The following SLC12A6 variants were observed in gnomAD, a reference collection of about 807,000 sequenced individuals.
SLC12A6 encodes K-Cl cotransporter 3.
SLC12A6 carries 66 observed loss-of-function variants against 135.3 expected under a neutral mutation model. The ratio of observed to expected loss-of-function variants is 0.49; its 90% CI spans 0.40 to 0.60. The LOEUF (loss-of-function observed/expected upper bound fraction) is 0.60, where lower values mean the gene tolerates loss of function less well. Among genes scored for constraint, SLC12A6 ranks in the 20% least tolerant of loss-of-function variants. The pLI is 0.00. For missense variants in SLC12A6, 1,058 were observed against 1,452.3 expected, an observed-to-expected ratio of 0.73 and a Z score of 4.41; for synonymous variants, 513 against 508.8, an observed-to-expected ratio of 1.01 and a Z score of -0.11.
intron 21 of SLC12A6, 23 bp downstream of exon 21, chr15:34,238,208 TA>T (rs750280662): frequency 2.5e-4 from 389 of 1,539,310 alleles, no homozygotes; most frequent in Non-Finnish European, 3.3e-4. Context: ...AAGACTTTTG[TA>T]AAAAAAAAGT....
At chr15:34,249,561 T>C (rs1406148238) in intron 13 of SLC12A6, among the ~76,000 whole-genome samples, 1 of 152,076 alleles carries the variant, frequency 6.6e-6, no homozygotes, top group African/African-American at 2.4e-5. Flanking sequence ...AGCAAGACCT[T>C]GTCTCTAAAT....
At chr15:34,297,107 T>A (rs1243950252) in intron 2 of SLC12A6, among the ~76,000 whole-genome samples, 2 of 152,336 alleles carry the variant, frequency 1.3e-5, no homozygotes, top group East Asian at 1.9e-4. Flanking sequence ...ATATCATTTT[T>A]AAAAATGTTT....
chr15:34,293,064 T>C lies in SLC12A6; in HGVS notation c.272-17675A>G, dbSNP rs148979407. 6.9e-3 allele frequency among the ~76,000 whole-genome samples: 1,047 copies of C among 152,194 alleles called. 7 individuals carry two copies. The highest frequency in any genetic ancestry group is 0.024 in the African/African-American group (984 of 41,522). On this transcript the variant is annotated intron_variant, in intron 2 of 25. Coordinates refer to ENST00000354181, the MANE Select transcript of SLC12A6 (RefSeq NM_001365088.1). ...CAATGAGATGAACCAGGTACCTCAG[T>C]TGGAAATGCAGAAATCACCCATCTT... is the stretch of plus-strand genomic sequence containing the variant.
intron 2 of SLC12A6, among the ~76,000 whole-genome samples, chr15:34,333,232 CTT>C (rs572611561): frequency 9.0e-5 from 12 of 133,452 alleles, no homozygotes; most frequent in Non-Finnish European, 1.3e-4. Flanking sequence ...TTTTCTTTTT[CTT>C]TTTTTTTTTT....
chr15:34,327,581 C>G (rs943673587), intron 2 of SLC12A6, among the ~76,000 whole-genome samples: 2 of 152,004 alleles, frequency 1.3e-5, no homozygotes, highest in Admixed American at 6.6e-5. Context: ...CTGCTTGAAC[C>G]TGTGAGGCGG....
rs551634313 is a variant in SLC12A6, at chr15:34,247,358, A to C, written c.1650-1491T>G. 4.7e-3 allele frequency among the ~76,000 whole-genome samples: 714 copies of C among 152,114 alleles called. 8 individuals carry two copies. The highest frequency in any genetic ancestry group is 0.016 in the African/African-American group (666 of 41,498). On this transcript the variant is annotated intron_variant, in intron 13 of 25. Coordinates refer to ENST00000354181, the MANE Select transcript of SLC12A6 (RefSeq NM_001365088.1). ...CAGTGAAACCCCATCTCTACTAAAA[A>C]TACAAAAAATTAGCTGGGCGTGGTG...
chr15:34,319,516 C>T (rs186863440), intron 2 of SLC12A6, among the ~76,000 whole-genome samples: 136 of 152,084 alleles, frequency 8.9e-4, no homozygotes, highest in African/African-American at 3.1e-3. Context: ...ATGAAAGATA[C>T]GGCTGTGCGC....
In SLC12A6 at chr15:34,268,753, C is replaced by T. The variant is rs532843550; in HGVS notation, c.316+6592G>A. ...ATTCCAGGGCTCTTTTAGGATTATT[C>T]AGAATCCTAAAATGACTCCTTTGAA... On this transcript the variant is annotated intron_variant, in intron 3 of 25. Coordinates refer to ENST00000354181, the MANE Select transcript of SLC12A6 (RefSeq NM_001365088.1). 2.0e-5 allele frequency among the ~76,000 whole-genome samples: 3 copies of T among 152,238 alleles called. No individual in the cohort carries two copies. In the East Asian group the frequency reaches 5.8e-4, roughly 29 times the overall value.
At chr15:34,268,863 CTTT>C (rs201920442) in intron 3 of SLC12A6, among the ~76,000 whole-genome samples, 1 of 143,566 alleles carries the variant, frequency 7.0e-6, no homozygotes, top group African/African-American at 2.5e-5. Flanking sequence ...TTCTTTCTTT[CTTT>C]TTTTTTTTGA....
rs1888011764 is a variant in SLC12A6, at chr15:34,309,672, G to A, written c.271+26738C>T. 5.3e-5 allele frequency among the ~76,000 whole-genome samples: 8 copies of A among 152,080 alleles called. No homozygotes were observed. In the South Asian group the frequency reaches 1.7e-3, roughly 32 times the overall value. On this transcript the variant is annotated intron_variant, in intron 2 of 25. Transcript: ENST00000354181. ...ATCAAATTTGTATTCTTATATTAAGGTCTTAGATATAGTAAACAGAATTGG... is the reference window on the plus strand; with the variant it reads ...ATCAAATTTGTATTCTTATATTAAGATCTTAGATATAGTAAACAGAATTGG...
intron 2 of SLC12A6, among the ~76,000 whole-genome samples, chr15:34,304,067 A>G (rs1896436205): frequency 6.6e-6 from 1 of 152,052 alleles, no homozygotes; most frequent in Non-Finnish European, 1.5e-5. Flanking sequence ...GCTAATCCCC[A>G]TCTCACTCTC....
At chr15:34,302,182 A>G (rs1337686383) in intron 2 of SLC12A6, among the ~76,000 whole-genome samples, 1 of 152,220 alleles carries the variant, frequency 6.6e-6, no homozygotes, top group Admixed American at 6.5e-5. Flanking sequence ...AGATGGTGAG[A>G]GTAATACCAG....
intron 2 of SLC12A6, among the ~76,000 whole-genome samples, chr15:34,327,967 A>T (rs1046987454): frequency 2.6e-5 from 4 of 152,192 alleles, no homozygotes; most frequent in African/African-American, 9.6e-5. Context: ...TCATCAATTG[A>T]GTTTTTTGCT....
At chr15:34,331,382 C>G (rs999087076) in intron 2 of SLC12A6, among the ~76,000 whole-genome samples, 9 of 152,190 alleles carry the variant, frequency 5.9e-5, no homozygotes, top group African/African-American at 1.9e-4. Flanking sequence ...CTCAAGTGAT[C>G]CGCCCGCCTT....
intron 2 of SLC12A6, among the ~76,000 whole-genome samples, chr15:34,321,787 G>A (rs1889108910): frequency 6.6e-6 from 1 of 152,110 alleles, no homozygotes; most frequent in Admixed American, 6.5e-5. Flanking sequence ...CAATAAAAAG[G>A]AATAAACTAG....
At chr15:34,258,660 C>A (rs956669242) in intron 5 of SLC12A6, among the ~76,000 whole-genome samples, 153 bp downstream of exon 5, 2 of 152,214 alleles carry the variant, frequency 1.3e-5, no homozygotes, top group African/African-American at 4.8e-5. Flanking sequence ...CATATGTTTT[C>A]TTTGTGCTAT....
rs113572806 is a variant in SLC12A6, at chr15:34,308,884, A to C, written c.271+27526T>G. Among the ~76,000 whole-genome samples, 66 of 152,354 alleles carry C rather than the reference A, an allele frequency of 4.3e-4. 2 individuals are homozygous for C. The highest frequency in any genetic ancestry group is 1.5e-3 in the African/African-American group (62 of 41,578). Reference sequence around the variant, plus strand: ...AGAGCAGCCTAGTTCAGAAAACACAAATAATTACATATATGTTTAAAGTAG... The same window carrying C: ...AGAGCAGCCTAGTTCAGAAAACACACATAATTACATATATGTTTAAAGTAG... On this transcript the variant is annotated intron_variant, in intron 2 of 25. Coordinates refer to ENST00000354181, the MANE Select transcript of SLC12A6 (RefSeq NM_001365088.1).
At chr15:34,309,529 A>T (rs956083492) in intron 2 of SLC12A6, among the ~76,000 whole-genome samples, 1 of 152,162 alleles carries the variant, frequency 6.6e-6, no homozygotes, top group East Asian at 1.9e-4. Context: ...GAAGTGAGAG[A>T]TTCTAAAAAG....
At chr15:34,297,954 C>T (rs1243676756) in intron 2 of SLC12A6, among the ~76,000 whole-genome samples, 1 of 152,096 alleles carries the variant, frequency 6.6e-6, no homozygotes, top group Non-Finnish European at 1.5e-5. Context: ...TAGACCACGG[C>T]GGTCTGTCCA....
Sources: allele counts gnomAD v4.1 joint callset (sites outside exome capture counted in the v4.1 genomes callset), GRCh38; gene constraint gnomAD v4.1.1; transcripts MANE v1.5; gene names NCBI Gene and HGNC (gene_info 2026-07-23, HGNC 2026-07-21).